SLC39A11: variants seen among roughly 807,000 people sequenced by gnomAD.
SLC39A11 encodes solute carrier family 39 member 11, also known as zinc transporter ZIP11.
In SLC39A11, 33 loss-of-function variants were observed where a neutral mutation model predicts 36.1. The observed-to-expected ratio is 0.91, with a 90% confidence interval of 0.69 to 1.22. SLC39A11 has a LOEUF of 1.22. SLC39A11 is among the 50% of genes most tolerant of loss of function. The pLI, the probability that SLC39A11 is intolerant of heterozygous loss-of-function variation, is 0.00. For missense variants in SLC39A11, 432 were observed against 430.3 expected (o/e 1.00, Z -0.03); for synonymous variants, 166 against 170.3 (o/e 0.97, Z 0.20).
intron 4 of SLC39A11, among the ~76,000 whole-genome samples, chr17:72,984,390 A>AG (rs943987182): frequency 6.6e-5 from 10 of 152,044 alleles, no homozygotes; most frequent in East Asian, 1.9e-4. Flanking sequence ...AAAAAAAAAA[A>AG]AAAGAAAGAA....
chr17:72,943,419 C>T (rs1408848413), intron 5 of SLC39A11, among the ~76,000 whole-genome samples: 3 of 152,212 alleles, frequency 2.0e-5, no homozygotes, highest in Non-Finnish European at 4.4e-5. Context: ...TTTTGCAAAA[C>T]ATGGCTTTGA....
chr17:72,959,311 A>ATGTGTGTGTGTGTGTGTGTGTG (rs1214552224), intron 4 of SLC39A11, among the ~76,000 whole-genome samples: 21 of 92,584 alleles, frequency 2.3e-4, no homozygotes, highest in African/African-American at 7.1e-4. Flanking sequence ...TGGTGTATGT[A>ATGTGTGTGTGTGTGTGTGTGTG]TGTGTGTGTG....
intron 6 of SLC39A11, among the ~76,000 whole-genome samples, chr17:72,837,522 C>G (rs2078614145): frequency 6.6e-6 from 1 of 152,142 alleles, no homozygotes; most frequent in Admixed American, 6.5e-5. Context: ...TCAAAGGTTT[C>G]CATATGACCC....
intron 6 of SLC39A11, among the ~76,000 whole-genome samples, chr17:72,805,720 C>T (rs979271727): frequency 6.6e-6 from 1 of 151,932 alleles, no homozygotes; most frequent in South Asian, 2.1e-4. Context: ...GGAGATGTGG[C>T]TCAGAGTTAA....
At position 72,863,838 on chromosome 17, in the gene SLC39A11, T is replaced by C. The variant is rs146737242; in HGVS notation, c.431-14034A>G. Among the ~76,000 whole-genome samples the C allele has an allele frequency of 7.2e-5, 11 of 152,314 alleles. No individual in the cohort carries two copies. The East Asian group carries it at 2.1e-3, about 29-fold the overall frequency. On this transcript the variant is annotated intron_variant, in intron 5 of 9. Transcript: ENST00000255559. ...TCCAGGCAATGTCTTAATACGAAGC[T>C]CAAGGAAGTTAATGCTCAATTAGAT...
At chr17:72,681,094 C>T (rs1269515007) in intron 7 of SLC39A11, among the ~76,000 whole-genome samples, 1 of 152,180 alleles carries the variant, frequency 6.6e-6, no homozygotes, top group Admixed American at 6.5e-5. Context: ...AGGCACACAA[C>T]ACCATGCCCA....
intron 3 of SLC39A11, among the ~76,000 whole-genome samples, chr17:73,082,442 CAG>C (rs1301503601): frequency 2.0e-5 from 3 of 152,006 alleles, no homozygotes; most frequent in Non-Finnish European, 4.4e-5. Flanking sequence ...TAGAATAAGA[CAG>C]AGTTCATCAA....
intron 6 of SLC39A11, among the ~76,000 whole-genome samples, chr17:72,809,367 T>A (rs1316926164): frequency 6.6e-6 from 1 of 152,158 alleles, no homozygotes; most frequent in East Asian, 1.9e-4. Context: ...TGGTGTGGGA[T>A]GAGCTCTAAG....
chr17:72,978,312 G>A (rs891144620), intron 4 of SLC39A11, among the ~76,000 whole-genome samples: 1 of 152,132 alleles, frequency 6.6e-6, no homozygotes, highest in Non-Finnish European at 1.5e-5. Context: ...CTGTGCTGGT[G>A]TTGGCGACAC....
At chr17:72,654,261 T>G (rs2070002721) in intron 7 of SLC39A11, among the ~76,000 whole-genome samples, 1 of 152,130 alleles carries the variant, frequency 6.6e-6, no homozygotes, top group Non-Finnish European at 1.5e-5. Flanking sequence ...GGGTATAGGA[T>G]CGGAGTTAAT....
chr17:72,647,749 T>G (rs2069625151), intron 9 of SLC39A11, 87 bp from the exon 10 acceptor site: 3 of 1,018,218 alleles, frequency 2.9e-6, no homozygotes, highest in Non-Finnish European at 4.5e-6. Flanking sequence ...CAATGTCCAA[T>G]TCCAAGAGAA....
chr17:72,861,740 T>TTTTATATA (rs1315718643), intron 5 of SLC39A11, among the ~76,000 whole-genome samples: 1 of 67,346 alleles, frequency 1.5e-5, no homozygotes, highest in African/African-American at 5.0e-5. Context: ...ACATTGGAGA[T>TTTTATATA]TATATATATA....
intron 5 of SLC39A11, among the ~76,000 whole-genome samples, chr17:72,902,891 G>T (rs548388711): frequency 1.3e-5 from 2 of 152,266 alleles, no homozygotes; most frequent in East Asian, 3.9e-4. Context: ...TGCAAATAAG[G>T]GAAACTCAGA....
chr17:72,910,994 T>G (rs1004047952), intron 5 of SLC39A11, among the ~76,000 whole-genome samples: 11 of 151,928 alleles, frequency 7.2e-5, no homozygotes, highest in Non-Finnish European at 4.4e-5. Flanking sequence ...CACCACACTT[T>G]GCCCAGAACC....
chr17:72,924,162 A>AAATT (rs560384382), intron 5 of SLC39A11, among the ~76,000 whole-genome samples: 1 of 120,544 alleles, frequency 8.3e-6, no homozygotes. Context: ...AAAAAAAAAA[A>AAATT]TTTTTTTTTT....
intron 6 of SLC39A11, among the ~76,000 whole-genome samples, chr17:72,780,592 G>A (rs115631481): frequency 2.3e-4 from 35 of 151,592 alleles, no homozygotes; most frequent in African/African-American, 7.3e-4. Flanking sequence ...GAGCAATTCC[G>A]GGACTTGACA....
chr17:72,652,518 G>A (rs116764934), intron 7 of SLC39A11, among the ~76,000 whole-genome samples: 1,647 of 152,324 alleles, frequency 0.011, 39 homozygotes, highest in African/African-American at 0.038. Flanking sequence ...GAGCTAGTAT[G>A]CAGTAAGCAC....
At chr17:73,065,208 C>G (rs1416105316) in intron 3 of SLC39A11, among the ~76,000 whole-genome samples, 1 of 152,066 alleles carries the variant, frequency 6.6e-6, no homozygotes, top group African/African-American at 2.4e-5. Context: ...AGTTCGAGAC[C>G]AGCCTGGCCA....
chr17:72,828,362 G>A (rs1712859923), intron 6 of SLC39A11, among the ~76,000 whole-genome samples: 2 of 152,344 alleles, frequency 1.3e-5, no homozygotes, highest in African/African-American at 2.4e-5. Context: ...GGGCATTGCA[G>A]GGGAAAAGGG....
Sources: allele counts gnomAD v4.1 joint callset (sites outside exome capture counted in the v4.1 genomes callset), GRCh38; gene constraint gnomAD v4.1.1; transcripts MANE v1.5; gene names NCBI Gene and HGNC (gene_info 2026-07-23, HGNC 2026-07-21).